Variants in NXN observed in about 807,000 individuals in gnomAD.
The protein encoded by NXN is nucleoredoxin.
A neutral mutation model predicts 48.6 loss-of-function variants in NXN; 16 were observed. The observed-to-expected ratio is 0.33, with a 90% CI of 0.22 to 0.50. NXN has a LOEUF of 0.50. Ranked by LOEUF, NXN falls within the 20% of genes least tolerant of loss-of-function variation. NXN has a pLI of 0.98. For missense variants in NXN, 492 were observed against 605.5 expected (o/e 0.81, Z 1.97); for synonymous variants, 281 against 269.6 (o/e 1.04, Z -0.41).
chr17:810,202 A>G (rs796351183), intron 5 of NXN, among the ~76,000 whole-genome samples: 5 of 79,544 alleles, frequency 6.3e-5, no homozygotes, highest in African/African-American at 9.7e-5. Context: ...CGAGTCTGTG[A>G]GTGGCGTGCA....
At chr17:806,924 A>G in intron 5 of NXN, among the ~76,000 whole-genome samples, 1 of 62,868 alleles carries the variant, frequency 1.6e-5, no homozygotes, top group African/African-American at 1.2e-4. Flanking sequence ...ACTCACATAC[A>G]CACACACACA....
rs1912518297 is a variant in NXN, at chr17:817,263, A to C, written c.820+2176T>G. 3.3e-5 allele frequency among the ~76,000 whole-genome samples: 5 copies of C among 152,302 alleles called. No homozygotes were observed. In the South Asian group the frequency reaches 1.0e-3, roughly 32 times the overall value. On this transcript the variant is annotated intron_variant, in intron 5 of 7. Coordinates refer to ENST00000336868, the MANE Select transcript of NXN (RefSeq NM_022463.5). ...ATTTTCAGATCTCCAGGTGATTCTC[A>C]TATGTACTTGGGATTGAGAAGCACC...
intron 1 of NXN, among the ~76,000 whole-genome samples, chr17:923,181 C>A (rs1430217283): frequency 6.6e-6 from 1 of 152,114 alleles, no homozygotes; most frequent in Non-Finnish European, 1.5e-5. Flanking sequence ...CACCTGGAAT[C>A]CCGACACTTT....
chr17:965,629 G>C (rs1199704937), intron 1 of NXN, among the ~76,000 whole-genome samples: 1 of 152,116 alleles, frequency 6.6e-6, no homozygotes, highest in Non-Finnish European at 1.5e-5. Flanking sequence ...CTAGCCTGGA[G>C]AAGGTGTCTA....
intron 1 of NXN, among the ~76,000 whole-genome samples, chr17:943,119 T>G (rs577987929): frequency 6.6e-6 from 1 of 152,234 alleles, no homozygotes; most frequent in Non-Finnish European, 1.5e-5. Flanking sequence ...ACCAACATAC[T>G]TCATCGTTTT....
At chr17:845,183 A>G (rs2067846558) in intron 1 of NXN, among the ~76,000 whole-genome samples, 1 of 64,712 alleles carries the variant, frequency 1.5e-5, no homozygotes, top group Non-Finnish European at 2.8e-5. Flanking sequence ...TGAGAGTGAG[A>G]GAGAATTCCA....
At chr17:810,428 C>A (rs1911916653) in intron 5 of NXN, among the ~76,000 whole-genome samples, 1 of 152,152 alleles carries the variant, frequency 6.6e-6, no homozygotes, top group Non-Finnish European at 1.5e-5. Flanking sequence ...GTTACGTTTT[C>A]TTTAACGGCA....
chr17:944,907 A>C (rs2069024807), intron 1 of NXN, among the ~76,000 whole-genome samples: 1 of 152,122 alleles, frequency 6.6e-6, no homozygotes, highest in Non-Finnish European at 1.5e-5. Context: ...AAACCGTGGA[A>C]CACCTACGAA....
At chr17:909,988 A>T (rs1435796046) in intron 1 of NXN, 2 of 152,216 alleles carry the variant, frequency 1.3e-5, no homozygotes, top group African/African-American at 2.4e-5. Context: ...TTATGAAAGA[A>T]TCATGAAATA....
chr17:832,184 T>G (rs1054073185), intron 1 of NXN, among the ~76,000 whole-genome samples: 1 of 151,648 alleles, frequency 6.6e-6, no homozygotes, highest in Non-Finnish European at 1.5e-5. Context: ...CAGGAATTTT[T>G]TTTTCTTTTT....
rs113125474 is a variant in NXN at position 803,903 on chromosome 17, C to G, written c.1001-97G>C. On this transcript the variant is annotated intron_variant, in intron 6 of 7. Transcript: ENST00000336868. ...CGAGGGGGCCTGAGCTGCAGAAACG[C>G]CCGCCTGAGCGGCCCCTGAACGGAA... is the stretch of plus-strand genomic sequence containing the variant. 3.2e-5 allele frequency: 49 copies of G among 1,515,550 alleles called. No homozygotes were observed. The East Asian group carries it at 8.1e-4, about 25-fold the overall frequency. The allele number at this position is 1,515,550 out of a possible 1,614,324, so 93.9% of individuals were successfully genotyped here.
Position 958,011 on chromosome 17 carries a change from A to G in NXN, c.360+21308T>C, listed in dbSNP as rs2069191143. Among the ~76,000 whole-genome samples the G allele has an allele frequency of 6.6e-6, 1 of 152,104 alleles. No individual in the cohort carries two copies. The highest frequency in any genetic ancestry group is 1.5e-5 in the Non-Finnish European group (1 of 68,012). The stretch of plus-strand genomic sequence containing the variant: ...GGAGCACGGGCAGCCCCCATCACTC[A>G]TCAGGTTCCAAACATGCATCCTCTC... On this transcript the variant is annotated intron_variant, in intron 1 of 7. Coordinates refer to ENST00000336868, the MANE Select transcript of NXN (RefSeq NM_022463.5). This position sits in a 1 kb window ranked among gnomAD's most constrained non-coding sequence, Gnocchi z 6.9.
chr17:877,209 A>G (rs1004974004), intron 1 of NXN, among the ~76,000 whole-genome samples: 2 of 151,576 alleles, frequency 1.3e-5, no homozygotes, highest in Non-Finnish European at 2.9e-5. Flanking sequence ...GTGCAGTGGC[A>G]TGATCTCGGC....
chr17:934,922 T>C (rs1038731276), intron 1 of NXN, among the ~76,000 whole-genome samples: 1 of 152,082 alleles, frequency 6.6e-6, no homozygotes, highest in African/African-American at 2.4e-5. Flanking sequence ...AAGCGGACTG[T>C]CTGGACAGAG....
chr17:894,822 C>A (rs1597702218), intron 1 of NXN, among the ~76,000 whole-genome samples: 1 of 152,070 alleles, frequency 6.6e-6, no homozygotes, highest in African/African-American at 2.4e-5. Flanking sequence ...CCCCTTCCAT[C>A]TGAAAACATA....
At chr17:937,099 C>T (rs1207541722) in intron 1 of NXN, among the ~76,000 whole-genome samples, 2 of 151,968 alleles carry the variant, frequency 1.3e-5, no homozygotes, top group Admixed American at 6.6e-5. Flanking sequence ...CCTCCCACCT[C>T]GGTGTCCTGA....
chr17:876,912 G>C (rs1221294747), intron 1 of NXN, among the ~76,000 whole-genome samples: 1 of 151,936 alleles, frequency 6.6e-6, no homozygotes, highest in Non-Finnish European at 1.5e-5. Context: ...GCCGGGTATG[G>C]TGGCGGTCGC....
intron 1 of NXN, among the ~76,000 whole-genome samples, chr17:873,631 G>A (rs535989498): frequency 6.6e-6 from 1 of 152,034 alleles, no homozygotes; most frequent in African/African-American, 2.4e-5. Flanking sequence ...ATCTTCTTGA[G>A]ACCTCCTTAG....
At chr17:868,469 G>GTT (rs113445191) in intron 1 of NXN, among the ~76,000 whole-genome samples, 21 of 146,878 alleles carry the variant, frequency 1.4e-4, no homozygotes, top group African/African-American at 4.0e-4. Context: ...GTCTTTTTTT[G>GTT]TTTTTTTTTT....
Sources: gnomAD v4.1 joint callset for allele counts (sites outside exome capture counted in the v4.1 genomes callset) on GRCh38, gnomAD v4.1.1 for gene constraint, Gnocchi (gnomAD v3.1) non-coding constraint, MANE v1.5 for transcripts, NCBI Gene and HGNC (gene_info 2026-07-23, HGNC 2026-07-21) for gene names.